Variants in ATL2 observed in about 807,000 individuals in gnomAD.
ATL2 encodes the protein atlastin GTPase 2.
Under a neutral mutation model 73.9 loss-of-function variants are expected in ATL2, and 31 were observed. The observed-to-expected ratio is 0.42, with a 90% CI of 0.32 to 0.57. The LOEUF (loss-of-function observed/expected upper bound fraction) is 0.57. Ranked by LOEUF, ATL2 falls within the 20% of genes least tolerant of loss-of-function variation. The probability of loss-of-function intolerance (pLI) is 0.14; values close to 1 mark genes in which losing one functional copy is unlikely to be tolerated. For synonymous variants in ATL2, 291 were observed against 237.5 expected (o/e 1.23, Z -2.07); for missense variants, 738 against 702.6 (o/e 1.05, Z -0.57).
chr2:38,354,169 A>G, intron 1 of ATL2: 1 of 423,304 alleles, frequency 2.4e-6, no homozygotes, highest in Non-Finnish European at 4.6e-6. Context: ...CTGGCGACAG[A>G]GCAAGACTCT....
chr2:38,326,329 G>C (rs1168011019), intron 2 of ATL2, among the ~76,000 whole-genome samples: 1 of 152,124 alleles, frequency 6.6e-6, no homozygotes, highest in Non-Finnish European at 1.5e-5. Context: ...CTCCCAACTA[G>C]ATTAACATAT....
chr2:38,313,090 C>G (rs930081704), intron 7 of ATL2, 61 bp downstream of exon 7: 9 of 1,199,046 alleles, frequency 7.5e-6, no homozygotes, highest in Non-Finnish European at 9.7e-6. Context: ...GCAGTCCGGA[C>G]AGCCCACCCG....
intron 4 of ATL2, among the ~76,000 whole-genome samples, chr2:38,316,285 G>C (rs1668020372): frequency 6.6e-6 from 1 of 152,162 alleles, no homozygotes; most frequent in African/African-American, 2.4e-5. Flanking sequence ...TGATGACTGA[G>C]GTGATTAAAC....
At chr2:38,314,067 C>A (rs745875875) in intron 6 of ATL2, among the ~76,000 whole-genome samples, 1 of 152,120 alleles carries the variant, frequency 6.6e-6, no homozygotes, top group Non-Finnish European at 1.5e-5. Flanking sequence ...GCTGTCATAC[C>A]GGAAAGGCTT....
chr2:38,343,581 A>G, intron 1 of ATL2, 69 bp from the exon 2 acceptor site: 1 of 1,448,366 alleles, frequency 6.9e-7, no homozygotes, highest in Non-Finnish European at 9.4e-7. Context: ...AAGGACCACA[A>G]CTAAAGCAAA....
rs1451782462 is a variant in ATL2 at position 38,295,188 on chromosome 2, T to A, written c.*806A>T. 1 of 152,160 alleles carries A rather than the reference T, an allele frequency of 6.6e-6. No individual in the cohort carries two copies. Among genetic ancestry groups the A allele is most frequent in the Non-Finnish European group, 1.5e-5 (1 of 68,036 alleles). The allele number at this position is 152,160 out of a possible 1,614,324, so 9.4% of individuals were successfully genotyped here. The stretch of plus-strand genomic sequence containing the variant: ...CAAAACTTTTAATACAAAATCGTAT[T>A]TATATATTTATAAGTCATATACATG... On this transcript the variant is annotated 3_prime_UTR_variant, in exon 13 of 13. Transcript: ENST00000378954.
intron 9 of ATL2, among the ~76,000 whole-genome samples, chr2:38,303,215 T>C (rs1667274563): frequency 6.6e-6 from 1 of 152,136 alleles, no homozygotes; most frequent in South Asian, 2.1e-4. Context: ...TTTTTTATTT[T>C]ATTTTTTTGA....
At chr2:38,369,748 T>A (rs2124494359) in intron 1 of ATL2, among the ~76,000 whole-genome samples, 1 of 152,096 alleles carries the variant, frequency 6.6e-6, no homozygotes, top group East Asian at 1.9e-4. Context: ...AAAATTAAAG[T>A]GCTGATAAAA....
chr2:38,333,091 A>C (rs1297366241), intron 2 of ATL2, among the ~76,000 whole-genome samples: 1 of 152,134 alleles, frequency 6.6e-6, no homozygotes, highest in Non-Finnish European at 1.5e-5. Context: ...GGCCACGCAC[A>C]GTGGCTTACA....
chr2:38,368,615 CA>C (rs1243438542), intron 1 of ATL2, among the ~76,000 whole-genome samples: 1 of 151,986 alleles, frequency 6.6e-6, no homozygotes, highest in South Asian at 2.1e-4. Context: ...CTAATAAGTT[CA>C]AAAAAATTGC....
Position 38,310,427 on chromosome 2 carries a change from T to C in ATL2, c.825A>G (p.Glu275=), listed in dbSNP as rs995321434. Residue 275 remains glutamate (E), a synonymous_variant, in exon 8 of 13, where the codon GAA becomes GAG. Transcript: ENST00000378954. ...KRLQVKQNQH[E]ELQNVRKHIH... ...TGTGCTTCCTTACATTCTGAAGCTC[T>C]TCATGTTGATTTTGTTTTACCTGAG... 4 of 1,596,134 alleles carry C rather than the reference T, an allele frequency of 2.5e-6. No individual in the cohort carries two copies. The African/African-American group carries it at 5.4e-5, about 22-fold the overall frequency.
At chr2:38,314,346 A>C (rs1667913994) in intron 6 of ATL2, among the ~76,000 whole-genome samples, 1 of 152,250 alleles carries the variant, frequency 6.6e-6, no homozygotes, top group Admixed American at 6.5e-5. Flanking sequence ...TAAGTTTAGA[A>C]TAACATCTGT....
chr2:38,294,503 G>A lies in ATL2; in HGVS notation c.*1491C>T, dbSNP rs746381107. ...GTGGAGGTTGCAGTGAGCCAAGATC[G>A]CACCACTGCACTCCAGCCTGGGTGA... On this transcript the variant is annotated 3_prime_UTR_variant, in exon 13 of 13. Coordinates refer to ENST00000378954, the MANE Select transcript of ATL2 (RefSeq NM_001135673.4). Among the ~76,000 whole-genome samples, 10 of 152,202 alleles carry A rather than the reference G, an allele frequency of 6.6e-5. No individual in the cohort carries two copies. The highest frequency in any genetic ancestry group is 2.1e-4 in the South Asian group (1 of 4,818).
intron 12 of ATL2, 180 bp downstream of exon 12, chr2:38,297,964 A>T: frequency 3.2e-6 from 2 of 634,254 alleles, no homozygotes; most frequent in Non-Finnish European, 5.2e-6. Flanking sequence ...AAAGTACATT[A>T]AAATTATAAC....
intron 2 of ATL2, among the ~76,000 whole-genome samples, chr2:38,339,685 T>A (rs1669586093): frequency 6.6e-6 from 1 of 152,044 alleles, no homozygotes. Flanking sequence ...GAATATTTAT[T>A]TTTATTTTAT....
chr2:38,343,005 GGGCATGGT>G (rs1184687826), intron 2 of ATL2, among the ~76,000 whole-genome samples: 1 of 150,080 alleles, frequency 6.7e-6, no homozygotes, highest in African/African-American at 2.5e-5. Flanking sequence ...TTTAAGAGTT[GGGCATGGT>G]GGCACACGCC....
At chr2:38,358,691 G>C (rs938706646) in intron 1 of ATL2, 1 of 145,162 alleles carries the variant, frequency 6.9e-6, no homozygotes, top group Non-Finnish European at 1.5e-5. Context: ...GACTCCGTCT[G>C]AAAAAAAAAA....
chr2:38,339,488 C>T (rs1048621815), intron 2 of ATL2, among the ~76,000 whole-genome samples: 1 of 151,992 alleles, frequency 6.6e-6, no homozygotes, highest in African/African-American at 2.4e-5. Context: ...TTCAGGTATA[C>T]AGGCTCTCTT....
chr2:38,296,290 A>C, intron 12 of ATL2, 177 bp from the exon 13 acceptor site: 1 of 1,439,096 alleles, frequency 6.9e-7, no homozygotes, highest in Non-Finnish European at 9.1e-7. Context: ...TTATAATGCA[A>C]CAAAAATTAC....
Sources: gnomAD v4.1 joint callset for allele counts (sites outside exome capture counted in the v4.1 genomes callset) on GRCh38, gnomAD v4.1.1 for gene constraint, MANE v1.5 for transcripts, NCBI Gene and HGNC (gene_info 2026-07-23, HGNC 2026-07-21) for gene names.